Variants in ACSF2 observed in about 807,000 individuals in gnomAD.
The protein encoded by ACSF2 is medium-chain acyl-CoA ligase ACSF2, mitochondrial.
A neutral mutation model predicts 79.3 loss-of-function variants in ACSF2; 52 were observed. The ratio of observed to expected loss-of-function variants is 0.66; its 90% CI spans 0.53 to 0.83. ACSF2 has a LOEUF of 0.83. ACSF2 is among the 40% of genes least tolerant of loss of function. The probability of loss-of-function intolerance (pLI) is 0.00; values close to 1 mark genes in which losing one functional copy is unlikely to be tolerated. For missense variants in ACSF2, 661 were observed against 803.3 expected (o/e 0.82, Z 2.14); for synonymous variants, 283 against 312.6 (o/e 0.91, Z 1.00).
At chr17:50,443,562 A>C (rs2031091060) in intron 1 of ACSF2, among the ~76,000 whole-genome samples, 3 of 152,178 alleles carry the variant, frequency 2.0e-5, no homozygotes, top group Non-Finnish European at 4.4e-5. Context: ...ATTTGTCAGA[A>C]ATGCTGACAG....
In ACSF2 at chr17:50,441,025, C is replaced by T. The variant is rs569244085; in HGVS notation, c.128+14636C>T. Reference sequence around the variant, plus strand: ...TCCCCATGGACTGGAGGCACTCAGACGGCTCCCCGTCAGCCTGCAGGGCCC... The same window carrying T: ...TCCCCATGGACTGGAGGCACTCAGATGGCTCCCCGTCAGCCTGCAGGGCCC... On this transcript the variant is annotated intron_variant, in intron 1 of 15. Transcript: ENST00000300441. 3.9e-5 allele frequency among the ~76,000 whole-genome samples: 6 copies of T among 152,366 alleles called. No individual in the cohort carries two copies. In the South Asian group the frequency reaches 6.2e-4, roughly 16 times the overall value.
rs763407848 is a variant in ACSF2 at position 50,426,417 on chromosome 17, G to A, written c.128+28G>A. On this transcript the variant is annotated intron_variant, in intron 1 of 15. Transcript: ENST00000300441. ...ACTGGCCCCCCGCGGGAAGAGAGGG[G>A]GCGGGGCAGTTCCCCGGGAGAGGAA... 8.5e-6 allele frequency: 11 copies of A among 1,300,112 alleles called. No individual in the cohort carries two copies. The African/African-American group carries it at 1.5e-4, about 18-fold the overall frequency. 80.5% of individuals were successfully genotyped at this position (1,300,112 alleles called of 1,614,324 possible).
rs1041406532 is a variant in ACSF2 at position 50,426,948 on chromosome 17, C to T, written c.128+559C>T. 4.6e-6 allele frequency: 7 copies of T among 1,535,644 alleles called. No homozygotes were observed. The Admixed American group carries it at 1.4e-4, about 30-fold the overall frequency. Reference sequence around the variant, plus strand: ...AGCTGGCAGGCAGAGGATTTCAGTTCCCAGTAGCTTCACTGCCTCTGCAGC... The same window carrying T: ...AGCTGGCAGGCAGAGGATTTCAGTTTCCAGTAGCTTCACTGCCTCTGCAGC... On this transcript the variant is annotated intron_variant, in intron 1 of 15. Transcript: ENST00000300441.
rs2032296813 is a variant in ACSF2 at position 50,460,999 on chromosome 17, G to A, written c.324+127G>A. On this transcript the variant is annotated intron_variant, in intron 2 of 15. Coordinates refer to ENST00000300441, the MANE Select transcript of ACSF2 (RefSeq NM_025149.6). ...TGCTAGGGCTGCCAGAGAACCCCGAGGGATGGCAGGAGAAGGAGACAGGAC... is the reference window on the plus strand; with the variant it reads ...TGCTAGGGCTGCCAGAGAACCCCGAAGGATGGCAGGAGAAGGAGACAGGAC... 4.1e-6 allele frequency: 5 copies of A among 1,223,932 alleles called. No homozygotes were observed. The South Asian group carries it at 7.6e-5, about 19-fold the overall frequency. 75.8% of individuals were successfully genotyped at this position (1,223,932 alleles called of 1,614,324 possible).
chr17:50,453,780 C>CTGT lies in ACSF2; in HGVS notation c.129-6874_129-6872dup, dbSNP rs913313298. Reference sequence around the variant, plus strand: ...TTGGGTTTGTGTGTGTGTGTGTGTGCTGTTGTTGTTGTTGTTGTTGTTGTT... The same window carrying CTGT: ...TTGGGTTTGTGTGTGTGTGTGTGTGCTGTTGTTGTTGTTGTTGTTGTTGTTGTT... On this transcript the variant is annotated intron_variant, in intron 1 of 15. Transcript: ENST00000300441. Among the ~76,000 whole-genome samples, 296 of 150,276 alleles carry CTGT rather than the reference C, an allele frequency of 2.0e-3. 1 individual carries two copies. The highest frequency in any genetic ancestry group is 5.5e-3 in the African/African-American group (227 of 40,916).
chr17:50,432,063 C>CTAA (rs1445799030), intron 1 of ACSF2, among the ~76,000 whole-genome samples: 7 of 152,172 alleles, frequency 4.6e-5, no homozygotes, highest in African/African-American at 1.4e-4. Context: ...CTACACCCAA[C>CTAA]TAATTTTTGT....
intron 10 of ACSF2, chr17:50,465,581 G>A: frequency 6.8e-7 from 1 of 1,461,302 alleles, no homozygotes; most frequent in Non-Finnish European, 9.4e-7. Flanking sequence ...GGAAACTGAG[G>A]CTCCCAGGGT....
At chr17:50,472,124 TC>T in intron 11 of ACSF2, 1 of 373,452 alleles carries the variant, frequency 2.7e-6, no homozygotes, top group Middle Eastern at 7.3e-4. Flanking sequence ...TTATAATTCT[TC>T]AGCTGGCTCT....
At chr17:50,473,428 A>G (rs1349160354) in intron 12 of ACSF2, 1 of 526,080 alleles carries the variant, frequency 1.9e-6, no homozygotes, top group African/African-American at 1.9e-5. Flanking sequence ...GTGAAAAGCT[A>G]TGTATAGATG....
rs200611322 is a variant in ACSF2, at chr17:50,463,269, C to T, written c.888+18C>T. 1,031 of 1,613,834 alleles carry T rather than the reference C, an allele frequency of 6.4e-4. 3 individuals carry two copies. The highest frequency in any genetic ancestry group is 7.8e-4 in the Non-Finnish European group (915 of 1,179,880). On this transcript the variant is annotated intron_variant, in intron 7 of 15. Coordinates refer to ENST00000300441, the MANE Select transcript of ACSF2 (RefSeq NM_025149.6). The surrounding 1 kb of genome is among the most constrained non-coding windows in gnomAD (Gnocchi z 4.6). ...ATGAGAAGGTGAGGCGGCACTAGGC[C>T]CAGGGCAAGGCTGCAGGAGGGGTGG...
chr17:50,441,656 T>A (rs1195424471), intron 1 of ACSF2, among the ~76,000 whole-genome samples: 1 of 152,096 alleles, frequency 6.6e-6, no homozygotes, highest in Non-Finnish European at 1.5e-5. Context: ...GGTATGTATC[T>A]TGGTCAGGGA....
chr17:50,472,430 C>A lies in ACSF2; in HGVS notation c.1326C>A (p.Ala442=). Residue 442 remains alanine, a splice_region_variant and synonymous_variant, in exon 12 of 16, where the codon GCC becomes GCA. Coordinates refer to ENST00000300441, the MANE Select transcript of ACSF2 (RefSeq NM_025149.6). ...AACCTGAGGCCATCCTGTCCCAGGC[C>A]CGGATCATGAACATGGAGGCAGGGA... The part of the protein sequence containing the change: ...SVGRIMPHTE[A]RIMNMEAGTL... The A allele has an allele frequency of 6.2e-7, 1 of 1,611,490 alleles. No homozygotes were observed. The highest frequency in any genetic ancestry group is 8.5e-7 in the Non-Finnish European group (1 of 1,178,894).
intron 9 of ACSF2, 141 bp from the exon 10 acceptor site, chr17:50,464,077 C>T: frequency 8.2e-7 from 1 of 1,225,236 alleles, no homozygotes. Flanking sequence ...GGACACCAGC[C>T]CAGGGCCAGC....
At position 50,464,773 on chromosome 17, in the gene ACSF2, G is replaced by GGGT; in HGVS notation, c.1215+481_1215+482insTGG. The GGGT allele has an allele frequency of 1.2e-5, 4 of 333,604 alleles. 1 individual carries two copies. The highest frequency in any genetic ancestry group is 1.1e-3 in the Middle Eastern group (1 of 898). The allele number at this position is 333,604 out of a possible 1,614,324, so 20.7% of individuals were successfully genotyped here. A position where few individuals can be genotyped will look rare whatever the true frequency, so the allele number is the denominator to read the frequency against. ...CTGTTGTGGTTCTGATTGACTTGGG[G>GGGT]GGGGGGTCTCAGCAACAGCTTCTCC... On this transcript the variant is annotated intron_variant, in intron 10 of 15. Coordinates refer to ENST00000300441, the MANE Select transcript of ACSF2 (RefSeq NM_025149.6).
chr17:50,445,650 A>G (rs2031252062), intron 1 of ACSF2, among the ~76,000 whole-genome samples: 1 of 152,022 alleles, frequency 6.6e-6, no homozygotes, highest in Non-Finnish European at 1.5e-5. Flanking sequence ...AATTTTTTTT[A>G]ATTATCTAGG....
intron 1 of ACSF2, among the ~76,000 whole-genome samples, chr17:50,456,858 G>A (rs374682361): frequency 6.6e-6 from 1 of 152,144 alleles, no homozygotes; most frequent in African/African-American, 2.4e-5. Flanking sequence ...CCAGGAGTTC[G>A]AGACCAGTTC....
At chr17:50,437,220 C>T (rs1228746137) in intron 1 of ACSF2, among the ~76,000 whole-genome samples, 1 of 152,230 alleles carries the variant, frequency 6.6e-6, no homozygotes, top group Non-Finnish European at 1.5e-5. Context: ...TGCCTTTCGA[C>T]TGCCATGAGC....
At chr17:50,466,073 CTTTT>C (rs10707664) in intron 10 of ACSF2, among the ~76,000 whole-genome samples, 1 of 120,028 alleles carries the variant, frequency 8.3e-6, no homozygotes, top group Non-Finnish European at 1.7e-5. Context: ...GTGTTATTTT[CTTTT>C]TTTTTTTTTT....
Position 50,463,412 on chromosome 17 carries a change from G to T in ACSF2, c.906G>T (p.Arg302=). 1 of 1,614,048 alleles carries T rather than the reference G, an allele frequency of 6.2e-7. No homozygotes were observed. The highest frequency in any genetic ancestry group is 1.1e-5 in the South Asian group (1 of 91,072). Residue 302 remains arginine (R), a synonymous_variant, in exon 8 of 16, where the codon CGG becomes CGT. Coordinates refer to ENST00000300441, the MANE Select transcript of ACSF2 (RefSeq NM_025149.6). This position sits in a 1 kb window ranked among gnomAD's most constrained non-coding sequence, Gnocchi z 4.6. ...ATCACCAGACACCAGAGCAGTTGCGGATGATCCTGCCCAACCCCCTGTACC... is the reference window on the plus strand; with the variant it reads ...ATCACCAGACACCAGAGCAGTTGCGTATGATCCTGCCCAACCCCCTGTACC... The part of the protein sequence containing the change: ...KLHEKTPEQL[R]MILPNPLYHC...
Sources: allele counts gnomAD v4.1 joint callset (sites outside exome capture counted in the v4.1 genomes callset), GRCh38; gene constraint gnomAD v4.1.1; non-coding constraint Gnocchi (gnomAD v3.1); transcripts MANE v1.5; gene names NCBI Gene and HGNC (gene_info 2026-07-23, HGNC 2026-07-21).